KLF8: variants seen among roughly 807,000 people sequenced by gnomAD.
KLF8 encodes Krueppel-like factor 8.
KLF8 carries 10 observed loss-of-function variants against 18.2 expected under a neutral mutation model. That is an observed-to-expected ratio of 0.55 (90% CI 0.34 to 0.93). The LOEUF (loss-of-function observed/expected upper bound fraction) is 0.93. Among genes scored for constraint, KLF8 ranks in the 40% least tolerant of loss-of-function variants. The probability of loss-of-function intolerance (pLI) is 0.02; values close to 1 mark genes in which losing one functional copy is unlikely to be tolerated. For synonymous variants in KLF8, 109 were observed against 97.3 expected (o/e 1.12, Z -0.71); for missense variants, 264 against 277.9 (o/e 0.95, Z 0.36).
the KLF8 span, among the ~76,000 whole-genome samples, chrX:56,216,629 AC>A: frequency 9.2e-6 from 1 of 109,146 alleles, no homozygotes; most frequent in Non-Finnish European, 1.9e-5. Context: ...TCCAACCTTG[AC>A]CTCCCAAAGT....
chrX:55,959,828 T>C, the KLF8 span, among the ~76,000 whole-genome samples: 1 of 110,879 alleles, frequency 9.0e-6, no homozygotes, highest in Non-Finnish European at 1.9e-5. Context: ...CAGGATACGG[T>C]GCATGAAATT....
the KLF8 span, among the ~76,000 whole-genome samples, chrX:55,971,106 G>A: frequency 9.0e-6 from 1 of 111,177 alleles, no homozygotes; most frequent in Non-Finnish European, 1.9e-5. Context: ...AATAGCCAAA[G>A]TCATCCTGAG....
In KLF8 at chrX:56,289,230, A is replaced by T. The variant is rs2067298960; in HGVS notation, c.*4736A>T. 9.0e-6 allele frequency among the ~76,000 whole-genome samples: 1 copy of T among 110,883 alleles called. No homozygotes were observed. On this transcript the variant is annotated 3_prime_UTR_variant, in exon 6 of 6. Coordinates refer to ENST00000468660, the MANE Select transcript of KLF8 (RefSeq NM_007250.5). ...TGGCCATTGGGAGCTCTTTTGGGTG[A>T]TTCTCAAGTTCTTTTGACACACCCC... is the stretch of plus-strand genomic sequence containing the variant.
chrX:56,158,523 T>C, the KLF8 span, among the ~76,000 whole-genome samples: 1 of 111,832 alleles, frequency 8.9e-6, no homozygotes, highest in African/African-American at 3.2e-5. Context: ...TATCCATGAG[T>C]ATGGAATGTT....
chrX:56,110,486 C>T, the KLF8 span, among the ~76,000 whole-genome samples: 1 of 111,864 alleles, frequency 8.9e-6, no homozygotes, highest in Non-Finnish European at 1.9e-5. Context: ...GGAAGGACTT[C>T]TGCTATACTG....
chrX:56,152,775 C>T, the KLF8 span, among the ~76,000 whole-genome samples: 2 of 111,924 alleles, frequency 1.8e-5, no homozygotes, highest in Middle Eastern at 4.6e-3. Flanking sequence ...TCCTATATCT[C>T]TAAAAGATAC....
At chrX:56,053,321 G>T in the KLF8 span, among the ~76,000 whole-genome samples, 4 of 111,460 alleles carry the variant, frequency 3.6e-5, no homozygotes, top group Non-Finnish European at 5.7e-5. Flanking sequence ...CATTTTTTGA[G>T]TTGTGTATGT....
chrX:56,153,230 G>A, the KLF8 span, among the ~76,000 whole-genome samples: 47 of 110,701 alleles, frequency 4.2e-4, no homozygotes, highest in African/African-American at 1.4e-3. Context: ...GCATGGAGGT[G>A]CATGCCTATA....
chrX:56,259,011 C>T (rs923496526), intron 2 of KLF8, among the ~76,000 whole-genome samples: 1 of 111,605 alleles, frequency 9.0e-6, no homozygotes, highest in African/African-American at 3.3e-5. Context: ...ATCAACATAC[C>T]ATGCAGTGAA....
At chrX:55,912,001 G>A in the KLF8 span, among the ~76,000 whole-genome samples, 1 of 111,871 alleles carries the variant, frequency 8.9e-6, no homozygotes, top group East Asian at 2.8e-4. Context: ...GCACAGCTTG[G>A]AAGATGGATT....
At chrX:56,213,046 T>G in the KLF8 span, among the ~76,000 whole-genome samples, 1 of 111,236 alleles carries the variant, frequency 9.0e-6, no homozygotes, top group African/African-American at 3.3e-5. Context: ...ATGAAATAAT[T>G]GACCATATCT....
the KLF8 span, among the ~76,000 whole-genome samples, chrX:56,220,539 G>A: frequency 2.7e-5 from 3 of 110,832 alleles, no homozygotes; most frequent in African/African-American, 9.9e-5. Flanking sequence ...AGGATGGAGT[G>A]CAATGGCTTT....
At chrX:56,149,528 G>A in the KLF8 span, among the ~76,000 whole-genome samples, 5 of 110,624 alleles carry the variant, frequency 4.5e-5, no homozygotes, top group African/African-American at 9.9e-5. Context: ...CCAAACCTCA[G>A]CATCAAACAA....
At chrX:55,962,110 A>C in the KLF8 span, 1 of 147,349 alleles carries the variant, frequency 6.8e-6, no homozygotes, top group Non-Finnish European at 1.3e-5. Context: ...TAGAGTCAGC[A>C]GTTGAAGATC....
chrX:56,041,358 A>C, the KLF8 span, among the ~76,000 whole-genome samples: 21 of 111,358 alleles, frequency 1.9e-4, no homozygotes, highest in Admixed American at 1.9e-3. Context: ...TCCTGACCTC[A>C]GGTGATCCAC....
At chrX:55,929,687 G>A in the KLF8 span, among the ~76,000 whole-genome samples, 14,501 of 110,974 alleles carry the variant, frequency 0.13, 1,737 homozygotes, top group African/African-American at 0.39. Flanking sequence ...TAGATGTGTG[G>A]TGTTATTTCT....
At chrX:56,264,879 G>A (rs1405263945) in intron 2 of KLF8, among the ~76,000 whole-genome samples, 1 of 111,979 alleles carries the variant, frequency 8.9e-6, no homozygotes, top group Non-Finnish European at 1.9e-5. Flanking sequence ...CTTTATTGAT[G>A]TGTGCTGCCA....
At chrX:56,011,170 T>A in the KLF8 span, among the ~76,000 whole-genome samples, 1 of 112,378 alleles carries the variant, frequency 8.9e-6, no homozygotes, top group Admixed American at 9.4e-5. Flanking sequence ...GAGTATGCAT[T>A]GTTTTTAGTG....
the KLF8 span, among the ~76,000 whole-genome samples, chrX:56,115,456 G>C: frequency 9.0e-6 from 1 of 111,522 alleles, no homozygotes; most frequent in Non-Finnish European, 1.9e-5. Context: ...TTTGGCAGTT[G>C]ACAGCTAAAA....
Sources: gnomAD v4.1 joint callset for allele counts (sites outside exome capture counted in the v4.1 genomes callset) on GRCh38, gnomAD v4.1.1 for gene constraint, MANE v1.5 for transcripts, NCBI Gene and HGNC (gene_info 2026-07-23, HGNC 2026-07-21) for gene names.